The following AEBP2 variants were observed in gnomAD, a reference collection of about 807,000 sequenced individuals.
AEBP2 encodes the protein AE binding protein 2, also known as zinc finger protein AEBP2.
AEBP2 carries 10 observed loss-of-function variants against 50.8 expected under a neutral mutation model. The ratio of observed to expected loss-of-function variants is 0.20; its 90% CI spans 0.12 to 0.33. The LOEUF (loss-of-function observed/expected upper bound fraction) is 0.33, where lower values mean the gene tolerates loss of function less well. AEBP2 is among the 10% of genes least tolerant of loss of function. The probability of loss-of-function intolerance (pLI) is 1.00; values close to 1 mark genes in which losing one functional copy is unlikely to be tolerated. For synonymous variants in AEBP2, 296 were observed against 261.3 expected (o/e 1.13, Z -1.28); for missense variants, 570 against 688.0 (o/e 0.83, Z 1.92).
chr12:19,441,449 A>G (rs944591526), intron 1 of AEBP2, among the ~76,000 whole-genome samples: 2 of 152,026 alleles, frequency 1.3e-5, no homozygotes, highest in Non-Finnish European at 1.5e-5. Flanking sequence ...TGACAATCAC[A>G]TTTTTTTTAA....
rs1202291993 is a variant in AEBP2, at chr12:19,440,037, G to A, written c.338G>A (p.Ser113Asn). The A allele has an allele frequency of 8.5e-6, 13 of 1,524,292 alleles. No homozygotes were observed. The highest frequency in any genetic ancestry group is 1.1e-5 in the Non-Finnish European group (13 of 1,141,786). 94.4% of individuals were successfully genotyped at this position (1,524,292 alleles called of 1,614,324 possible). The stretch of plus-strand genomic sequence containing the variant: ...GAGGAGGAAGATGAGAGCAGCAGCA[G>A]CGGCGGGGGTGAGGAGGAGAGTAGC... ...DEEEEDESSS[S>N]GGGEEESSAE... is the part of the protein sequence containing the mutation. The change falls in exon 1 of 8, where the codon AGC becomes AAC. Residue 113 changes from serine (S) to asparagine (N), a missense_variant. Ser to Asn is a conservative substitution (Grantham distance 46, BLOSUM62 1). Coordinates refer to ENST00000266508, the MANE Select transcript of AEBP2 (RefSeq NM_153207.5).
In AEBP2 at chr12:19,461,940, A is replaced by G. The variant is rs544575469; in HGVS notation, c.672-570A>G. ...GGAAAAGATTTTTTATTTGGACTTT[A>G]GAAAAATCAGAGACCAGTTTTCTCT... is the stretch of plus-strand genomic sequence containing the variant. On this transcript the variant is annotated intron_variant, in intron 1 of 7. Coordinates refer to ENST00000266508, the MANE Select transcript of AEBP2 (RefSeq NM_153207.5). 2.6e-4 allele frequency among the ~76,000 whole-genome samples: 40 copies of G among 152,310 alleles called. No individual in the cohort carries two copies. In the South Asian group the frequency reaches 4.3e-3, roughly 17 times the overall value.
Position 19,520,367 on chromosome 12 carries a change from C to T in AEBP2, c.*2250C>T, listed in dbSNP as rs534335838. 6.6e-6 allele frequency: 1 copy of T among 152,226 alleles called. No homozygotes were observed. The highest frequency in any genetic ancestry group is 2.4e-5 in the African/African-American group (1 of 41,528). The allele number at this position is 152,226 out of a possible 1,614,324, so 9.4% of individuals were successfully genotyped here. On this transcript the variant is annotated 3_prime_UTR_variant, in exon 8 of 8. Transcript: ENST00000266508. ...GATGTCAAAACCAGATTTCGTGATCCTTGATTAACTTCTGAGTACTCAATC... is the reference window on the plus strand; with the variant it reads ...GATGTCAAAACCAGATTTCGTGATCTTTGATTAACTTCTGAGTACTCAATC...
intron 3 of AEBP2, among the ~76,000 whole-genome samples, chr12:19,485,182 G>A (rs904086743): frequency 6.6e-6 from 1 of 152,102 alleles, no homozygotes. Flanking sequence ...TAATTTCAAA[G>A]CCTATACAAA....
intron 7 of AEBP2, among the ~76,000 whole-genome samples, chr12:19,516,447 T>C (rs1949319584): frequency 1.3e-5 from 2 of 152,228 alleles, no homozygotes; most frequent in Non-Finnish European, 2.9e-5. Context: ...TGTTTCTGCC[T>C]GCATCCTGCT....
At chr12:19,419,065 TG>T in intron 1 of AEBP2, 1 of 167,554 alleles carries the variant, frequency 6.0e-6, no homozygotes. Flanking sequence ...CTCTTTTCAC[TG>T]GGGATGTCCT....
chr12:19,465,041 A>C (rs945704781), intron 2 of AEBP2, among the ~76,000 whole-genome samples: 7 of 152,078 alleles, frequency 4.6e-5, no homozygotes, highest in African/African-American at 1.4e-4. Flanking sequence ...GATTTCTTGA[A>C]CCCTTATTCA....
In AEBP2 at chr12:19,518,049, T is replaced by A. The variant is rs547590825; in HGVS notation, c.1482-38T>A. On this transcript the variant is annotated intron_variant, in intron 7 of 7. Transcript: ENST00000266508. ...CTTGAAGCACTCAAATGTGTTTGAT[T>A]CAGTTGAATAAAAGGATTTCTTTTT... is the stretch of plus-strand genomic sequence containing the variant. 1.5e-5 allele frequency: 24 copies of A among 1,568,784 alleles called. No homozygotes were observed. In the South Asian group the frequency reaches 2.2e-4, roughly 15 times the overall value.
intron 1 of AEBP2, among the ~76,000 whole-genome samples, chr12:19,426,888 G>A (rs1466044273): frequency 1.3e-5 from 2 of 152,034 alleles, no homozygotes; most frequent in Non-Finnish European, 2.9e-5. Flanking sequence ...GCAACAGAGC[G>A]AGACTCAAAA....
At chr12:19,458,274 G>T (rs1471088891) in intron 1 of AEBP2, among the ~76,000 whole-genome samples, 1 of 152,202 alleles carries the variant, frequency 6.6e-6, no homozygotes, top group Non-Finnish European at 1.5e-5. Flanking sequence ...TGGCAGCATG[G>T]GTCTGGGGCC....
At chr12:19,487,798 A>G (rs376979195) in intron 3 of AEBP2, among the ~76,000 whole-genome samples, 36 of 152,288 alleles carry the variant, frequency 2.4e-4, no homozygotes, top group African/African-American at 8.2e-4. Flanking sequence ...GTAGTTTCAT[A>G]TATGTAAGCG....
At chr12:19,502,435 A>T (rs1949095490) in intron 5 of AEBP2, among the ~76,000 whole-genome samples, 1 of 151,724 alleles carries the variant, frequency 6.6e-6, no homozygotes, top group South Asian at 2.1e-4. Context: ...TGCCCGGCCT[A>T]TCTTGAGTTA....
intron 7 of AEBP2, among the ~76,000 whole-genome samples, chr12:19,516,975 C>T (rs1949328624): frequency 6.6e-6 from 1 of 152,032 alleles, no homozygotes. Flanking sequence ...TGCAGTGAGC[C>T]GAGATCACGT....
intron 1 of AEBP2, among the ~76,000 whole-genome samples, chr12:19,452,655 A>G (rs1240931350): frequency 1.3e-5 from 2 of 152,208 alleles, no homozygotes; most frequent in African/African-American, 4.8e-5. Context: ...AACTCAAGTA[A>G]AGAATTTTTA....
At chr12:19,510,416 G>A (rs747316115) in intron 5 of AEBP2, among the ~76,000 whole-genome samples, 2 of 152,196 alleles carry the variant, frequency 1.3e-5, no homozygotes, top group African/African-American at 4.8e-5. Context: ...AATTGTGTAT[G>A]CGCATGGGCA....
chr12:19,443,866 T>C (rs560132011), intron 1 of AEBP2, among the ~76,000 whole-genome samples: 3,438 of 152,244 alleles, frequency 0.023, 46 homozygotes, highest in East Asian at 0.043. Flanking sequence ...TTGATTTTTT[T>C]CCCCCCAGAA....
At chr12:19,480,809 C>T (rs933070246) in intron 3 of AEBP2, among the ~76,000 whole-genome samples, 9 of 152,100 alleles carry the variant, frequency 5.9e-5, no homozygotes, top group African/African-American at 2.2e-4. Context: ...GTTCTTTGAG[C>T]TTCTTGTATT....
At chr12:19,431,010 T>A (rs1189622691) in intron 1 of AEBP2, among the ~76,000 whole-genome samples, 13 of 135,988 alleles carry the variant, frequency 9.6e-5, no homozygotes, top group Non-Finnish European at 1.2e-4. Context: ...AGACCCTGTC[T>A]AAAAAAAAAA....
chr12:19,469,219 C>A (rs1461005943), intron 2 of AEBP2, among the ~76,000 whole-genome samples: 1 of 152,160 alleles, frequency 6.6e-6, no homozygotes, highest in East Asian at 1.9e-4. Context: ...AGCCACTGCA[C>A]CTGGCCCAAA....
Sources: gnomAD v4.1 joint callset for allele counts (sites outside exome capture counted in the v4.1 genomes callset) on GRCh38, gnomAD v4.1.1 for gene constraint, MANE v1.5 for transcripts, NCBI Gene and HGNC (gene_info 2026-07-23, HGNC 2026-07-21) for gene names.